The following FBXL13 variants were observed in gnomAD, a reference collection of about 807,000 sequenced individuals.
FBXL13 encodes the protein F-box and leucine-rich repeat protein 13.
FBXL13 carries 67 observed loss-of-function variants against 83.6 expected under a neutral mutation model. The ratio of observed to expected loss-of-function variants is 0.80; its 90% confidence interval spans 0.66 to 0.98. The LOEUF is 0.98. Among genes scored for constraint, FBXL13 ranks in the 50% least tolerant of loss-of-function variants. The pLI, the probability that FBXL13 is intolerant of heterozygous loss-of-function variation, is 0.00. For synonymous variants in FBXL13, 272 were observed against 299.5 expected, an observed-to-expected ratio of 0.91 and a Z score of 0.95; for missense variants, 822 against 866.5, an observed-to-expected ratio of 0.95 and a Z score of 0.64.
chr7:102,904,954 T>C (rs1030426719), intron 11 of FBXL13, among the ~76,000 whole-genome samples: 1 of 152,220 alleles, frequency 6.6e-6, no homozygotes, highest in African/African-American at 2.4e-5. Flanking sequence ...TCTAGTTTTA[T>C]TCCATTGTAG....
chr7:102,958,394 G>A (rs1011617665), intron 8 of FBXL13, among the ~76,000 whole-genome samples: 1 of 151,732 alleles, frequency 6.6e-6, no homozygotes, highest in Non-Finnish European at 1.5e-5. Flanking sequence ...TGGGGGTGGT[G>A]GACTGGGGGA....
intron 10 of FBXL13, among the ~76,000 whole-genome samples, chr7:102,917,313 A>G (rs1425835173): frequency 6.6e-6 from 1 of 152,212 alleles, no homozygotes; most frequent in African/African-American, 2.4e-5. Flanking sequence ...AGGTCAATTC[A>G]TCTATATAAA....
At chr7:102,995,371 C>T (rs1341793443) in intron 6 of FBXL13, among the ~76,000 whole-genome samples, 1 of 150,306 alleles carries the variant, frequency 6.7e-6, no homozygotes, top group Non-Finnish European at 1.5e-5. Context: ...GTCCCAACTA[C>T]TCGGGAGGCT....
At chr7:102,939,800 A>G (rs1821045241) in intron 8 of FBXL13, among the ~76,000 whole-genome samples, 1 of 152,222 alleles carries the variant, frequency 6.6e-6, no homozygotes, top group African/African-American at 2.4e-5. Flanking sequence ...AATACCACAT[A>G]TTACTACCAT....
intron 16 of FBXL13, among the ~76,000 whole-genome samples, chr7:102,868,943 C>T (rs1808143831): frequency 6.6e-6 from 1 of 152,172 alleles, no homozygotes; most frequent in Admixed American, 6.5e-5. Context: ...GCTGGGATTG[C>T]AGGCATGAAC....
In FBXL13 at chr7:102,867,381, A is replaced by T. The variant is rs1177437497; in HGVS notation, c.1635+10086T>A. 1.0e-4 allele frequency among the ~76,000 whole-genome samples: 10 copies of T among 99,514 alleles called. No homozygotes were observed. In the East Asian group the frequency reaches 6.0e-3, roughly 59 times the overall value. The allele number at this position is 99,514 out of a possible 152,430, so 65.3% of individuals were successfully genotyped here. A position where few individuals can be genotyped will look rare whatever the true frequency, so the allele number is the denominator to read the frequency against. On this transcript the variant is annotated intron_variant, in intron 16 of 19. Coordinates refer to ENST00000313221, the Ensembl canonical transcript of FBXL13. ...TCCAAAAAAACCCAAACAAACAAAC[A>T]AAAAAAAAGAAGAATTTACTAGGTG...
At chr7:102,848,007 C>A (rs564151516) in intron 17 of FBXL13, among the ~76,000 whole-genome samples, 1 of 152,004 alleles carries the variant, frequency 6.6e-6, no homozygotes, top group Non-Finnish European at 1.5e-5. Flanking sequence ...ATTTAATTTA[C>A]CTACATATAC....
At chr7:102,857,673 C>T (rs1238150815) in intron 16 of FBXL13, 2 of 152,136 alleles carry the variant, frequency 1.3e-5, no homozygotes, top group Non-Finnish European at 2.9e-5. Flanking sequence ...CTTGAACCTC[C>T]AAACCTCTCA....
chr7:103,020,431 C>T (rs1175575662), intron 6 of FBXL13, among the ~76,000 whole-genome samples: 2 of 152,214 alleles, frequency 1.3e-5, no homozygotes, highest in Admixed American at 1.3e-4. Flanking sequence ...AGGATGTCCT[C>T]TCTCACCACT....
intron 6 of FBXL13, among the ~76,000 whole-genome samples, chr7:102,986,987 A>T (rs1829046511): frequency 6.6e-6 from 1 of 152,142 alleles, no homozygotes; most frequent in African/African-American, 2.4e-5. Flanking sequence ...CCATAAAAAA[A>T]AAATGTATTT....
chr7:102,981,082 T>C (rs1216668435), intron 6 of FBXL13, among the ~76,000 whole-genome samples: 1 of 152,192 alleles, frequency 6.6e-6, no homozygotes, highest in African/African-American at 2.4e-5. Context: ...AAAGCTGTAC[T>C]TGTAGTTTTG....
At chr7:103,036,844 T>G (rs1247637414) in intron 2 of FBXL13, among the ~76,000 whole-genome samples, 2 of 152,188 alleles carry the variant, frequency 1.3e-5, no homozygotes, top group South Asian at 2.1e-4. Context: ...AGGGCTTTTG[T>G]GCCTGGACAG....
intron 8 of FBXL13, chr7:102,944,606 A>G: frequency 6.3e-7 from 1 of 1,592,046 alleles, no homozygotes; most frequent in Admixed American, 1.8e-5. Flanking sequence ...ATAGTAGGAT[A>G]AGGTAGAAAT....
intron 2 of FBXL13, among the ~76,000 whole-genome samples, chr7:103,039,588 T>C (rs1795447094): frequency 6.6e-6 from 1 of 151,888 alleles, no homozygotes; most frequent in Non-Finnish European, 1.5e-5. Context: ...AAGATTGGGT[T>C]ACCCACAAAG....
Position 102,878,326 on chromosome 7 carries a change from C to A in FBXL13, c.1508+5G>T. 6.3e-7 allele frequency: 1 copy of A among 1,590,172 alleles called. No individual in the cohort carries two copies. The highest frequency in any genetic ancestry group is 8.5e-7 in the Non-Finnish European group (1 of 1,169,958). On this transcript the variant is annotated splice_donor_5th_base_variant and intron_variant, in intron 15 of 19. Transcript: ENST00000313221. ...GATATGATGTAAAAGACTGTTTTAT[C>A]ATACCGCTCAGATAGTTTCATAACA...
chr7:103,051,242 A>T (rs1796780640), intron 2 of FBXL13, among the ~76,000 whole-genome samples: 1 of 152,212 alleles, frequency 6.6e-6, no homozygotes, highest in Admixed American at 6.5e-5. Context: ...TCAAAAGCCA[A>T]CTTTTATAAC....
chr7:103,020,284 C>T (rs916022380), intron 6 of FBXL13, among the ~76,000 whole-genome samples: 2 of 152,090 alleles, frequency 1.3e-5, no homozygotes, highest in Admixed American at 6.6e-5. Context: ...ACCCTTCGTG[C>T]TAAAAATTCT....
chr7:102,913,021 A>C, intron 11 of FBXL13, 65 bp downstream of exon 12: 1 of 1,602,900 alleles, frequency 6.2e-7, no homozygotes. Context: ...GTGAGGGCTG[A>C]ATGCAGCCCA....
chr7:103,049,134 A>G (rs1360535015), intron 2 of FBXL13, among the ~76,000 whole-genome samples: 2 of 152,188 alleles, frequency 1.3e-5, no homozygotes, highest in Non-Finnish European at 2.9e-5. Context: ...TTTACTCTAC[A>G]AGATCCTTTC....
Sources: gnomAD v4.1 joint callset for allele counts (sites outside exome capture counted in the v4.1 genomes callset) on GRCh38, gnomAD v4.1.1 for gene constraint, MANE v1.5 for transcripts, NCBI Gene and HGNC (gene_info 2026-07-23, HGNC 2026-07-21) for gene names.